The following USH2A variants were observed in gnomAD, a reference collection of about 807,000 sequenced individuals.
USH2A encodes Usher syndrome 2A (autosomal recessive, mild).
In USH2A, 443 loss-of-function variants were observed where a neutral mutation model predicts 538.9. The ratio of observed to expected loss-of-function variants is 0.82; its 90% confidence interval spans 0.76 to 0.89. The LOEUF is 0.89. Ranked by LOEUF, USH2A falls within the 40% of genes least tolerant of loss-of-function variation. The pLI is 0.00. For synonymous variants in USH2A, 2,413 were observed against 2,273.5 expected (o/e 1.06, Z -1.75); for missense variants, 6,633 against 6,324.8 (o/e 1.05, Z -1.65).
intron 47 of USH2A, among the ~76,000 whole-genome samples, chr1:215,821,382 G>A (rs1379380721): frequency 1.3e-5 from 2 of 151,478 alleles, no homozygotes; most frequent in African/African-American, 4.8e-5. Flanking sequence ...TTGGCCATTT[G>A]TATGTCTTCT....
intron 32 of USH2A, among the ~76,000 whole-genome samples, chr1:216,023,895 G>A (rs1221418480): frequency 6.6e-6 from 1 of 151,940 alleles, no homozygotes; most frequent in Non-Finnish European, 1.5e-5. Flanking sequence ...ATTAAAACTA[G>A]TAGAGTACAA....
At chr1:215,867,908 G>C (rs188363580) in intron 43 of USH2A, among the ~76,000 whole-genome samples, 1 of 152,018 alleles carries the variant, frequency 6.6e-6, no homozygotes, top group Non-Finnish European at 1.5e-5. Context: ...TTTTTAACCA[G>C]TTTTGGGCAG....
At chr1:216,045,181 A>G (rs1182002300) in intron 32 of USH2A, among the ~76,000 whole-genome samples, 1 of 152,138 alleles carries the variant, frequency 6.6e-6, no homozygotes, top group African/African-American at 2.4e-5. Flanking sequence ...TGAAGAAGTT[A>G]ATATCTCTAG....
chr1:215,794,738 A>T (rs946838883), intron 50 of USH2A, among the ~76,000 whole-genome samples: 1 of 152,196 alleles, frequency 6.6e-6, no homozygotes, highest in African/African-American at 2.4e-5. Context: ...GATTCGCAAG[A>T]GTTGAGGGCT....
Position 215,782,849 on chromosome 1 carries a change from C to A in USH2A, c.10474G>T (p.Ala3492Ser), listed in dbSNP as rs771610821. The change falls in exon 53 of 72, where the codon GCC becomes TCC. Residue 3492 changes from alanine (A) to serine (S), a missense_variant. Transcript: ENST00000307340. ...TGAGGCACATCTTCTTTTGTTCTGG[C>A]TCTCACAGCTTTGCTGAGTCCTCGC... ...YGRGLSKAVR[A>S]RTKEDVPQGV... 3.7e-6 allele frequency: 6 copies of A among 1,613,844 alleles called. No individual in the cohort carries two copies. The Admixed American group carries it at 6.7e-5, about 18-fold the overall frequency.
chr1:216,330,528 A>G (rs1361142913), intron 4 of USH2A, among the ~76,000 whole-genome samples: 1 of 151,938 alleles, frequency 6.6e-6, no homozygotes, highest in African/African-American at 2.4e-5. Context: ...TTGGCATGTT[A>G]GAGGAGGTGC....
intron 4 of USH2A, among the ~76,000 whole-genome samples, chr1:216,346,166 A>G (rs2038172491): frequency 6.6e-6 from 1 of 152,100 alleles, no homozygotes; most frequent in South Asian, 2.1e-4. Flanking sequence ...AAAAGCCAGA[A>G]TTATTGACAG....
chr1:215,709,417 T>C (rs1450071355), intron 61 of USH2A, among the ~76,000 whole-genome samples: 1 of 152,070 alleles, frequency 6.6e-6, no homozygotes, highest in Admixed American at 6.6e-5. Flanking sequence ...TCTAAAAAGT[T>C]TGGAGATCGC....
chr1:215,686,299 T>C (rs1410097546), intron 61 of USH2A, among the ~76,000 whole-genome samples: 1 of 152,070 alleles, frequency 6.6e-6, no homozygotes, highest in Admixed American at 6.6e-5. Flanking sequence ...AAGGAAATAC[T>C]TGTTATTCAG....
rs547847873 is a variant in USH2A, at chr1:216,327,638, G to A, written c.801C>T (p.Val267=). The change falls in exon 5 of 72, where the codon GTC becomes GTT. Residue 267 remains valine, a synonymous_variant. Coordinates refer to ENST00000307340, the MANE Select transcript of USH2A (RefSeq NM_206933.4). ...GQSLNGLEQF[V]GRMQDFRLYQ... ...ATAATCGAAAATCTTGCATTCTTCC[G>A]ACAAACTGCTCTAAACCTGCAAATA... 48 of 1,613,038 alleles carry A rather than the reference G, an allele frequency of 3.0e-5. 1 individual carries two copies. The highest frequency in any genetic ancestry group is 1.5e-4 in the South Asian group (14 of 91,048).
chr1:216,066,834 T>C (rs561791009), intron 30 of USH2A, among the ~76,000 whole-genome samples: 2 of 152,184 alleles, frequency 1.3e-5, no homozygotes, highest in Non-Finnish European at 2.9e-5. Context: ...GTTAGGACTT[T>C]AGGATCCAGA....
At chr1:216,005,783 A>T (rs1468303880) in intron 32 of USH2A, among the ~76,000 whole-genome samples, 1 of 151,976 alleles carries the variant, frequency 6.6e-6, no homozygotes, top group Non-Finnish European at 1.5e-5. Context: ...AAGAAACAAT[A>T]AAAAAAATAA....
At chr1:216,174,540 G>T in intron 21 of USH2A, 1 of 983,470 alleles carries the variant, frequency 1.0e-6, no homozygotes, top group Non-Finnish European at 1.2e-6. Context: ...TATTTTTATA[G>T]TGCTTTCACA....
intron 37 of USH2A, among the ~76,000 whole-genome samples, chr1:215,938,725 G>A (rs1666565071): frequency 1.3e-5 from 2 of 152,112 alleles, no homozygotes; most frequent in African/African-American, 4.8e-5. Context: ...CCCAAGCACT[G>A]TGATTTGAAG....
At chr1:215,980,150 A>G (rs1387519254) in intron 35 of USH2A, among the ~76,000 whole-genome samples, 3 of 152,202 alleles carry the variant, frequency 2.0e-5, no homozygotes, top group Admixed American at 2.0e-4. Flanking sequence ...CAAACACTTT[A>G]AAGTCCAAAG....
intron 21 of USH2A, among the ~76,000 whole-genome samples, chr1:216,099,196 C>A (rs145764528): frequency 2.8e-4 from 42 of 152,254 alleles, no homozygotes; most frequent in African/African-American, 1.0e-3. Context: ...TTTCAACAAA[C>A]TTGTCCTAGT....
rs115704144 is a variant in USH2A at position 215,889,739 on chromosome 1, G to C, written c.7595-685C>G. 1.5e-4 allele frequency among the ~76,000 whole-genome samples: 23 copies of C among 152,210 alleles called. 1 individual carries two copies. Among genetic ancestry groups the C allele is most frequent in the African/African-American group, 5.5e-4 (23 of 41,534 alleles). ...CTCTAACTGATTCAATTATCATAAA[G>C]GTTCAGGAGGCTCCATGAATACTGA... is the stretch of plus-strand genomic sequence containing the variant. On this transcript the variant is annotated intron_variant, in intron 40 of 71. Transcript: ENST00000307340.
chr1:215,846,623 T>C (rs1663855649), intron 44 of USH2A, among the ~76,000 whole-genome samples: 1 of 152,216 alleles, frequency 6.6e-6, no homozygotes, highest in Non-Finnish European at 1.5e-5. Context: ...TTCCTTTAAA[T>C]ATTTTAATTT....
intron 4 of USH2A, among the ~76,000 whole-genome samples, chr1:216,347,029 T>G (rs1164426731): frequency 1.3e-5 from 2 of 152,092 alleles, no homozygotes; most frequent in Non-Finnish European, 2.9e-5. Flanking sequence ...TAAAAATTAT[T>G]GATAAAATAA....
Sources: gnomAD v4.1 joint callset for allele counts (sites outside exome capture counted in the v4.1 genomes callset) on GRCh38, gnomAD v4.1.1 for gene constraint, MANE v1.5 for transcripts, NCBI Gene and HGNC (gene_info 2026-07-23, HGNC 2026-07-21) for gene names.